FTO: variants seen among roughly 807,000 people sequenced by gnomAD.
FTO encodes alpha-ketoglutarate-dependent dioxygenase FTO.
In FTO, 47 loss-of-function variants were observed where a neutral mutation model predicts 63.9. The observed-to-expected ratio is 0.74, with a 90% CI of 0.58 to 0.94. FTO has a LOEUF of 0.94. FTO is among the 40% of genes least tolerant of loss of function. The pLI, the probability that FTO is intolerant of heterozygous loss-of-function variation, is 0.00. For missense variants in FTO, 562 were observed against 618.1 expected (o/e 0.91, Z 0.96); for synonymous variants, 207 against 224.4 (o/e 0.92, Z 0.69).
chr16:53,954,972 A>G (rs2082892847), intron 8 of FTO, among the ~76,000 whole-genome samples: 1 of 152,080 alleles, frequency 6.6e-6, no homozygotes, highest in Admixed American at 6.6e-5. Flanking sequence ...GTGGACCTCT[A>G]TTTTTAGAGC....
chr16:53,877,758 G>A (rs1239495354), intron 5 of FTO, among the ~76,000 whole-genome samples: 1 of 151,216 alleles, frequency 6.6e-6, no homozygotes, highest in East Asian at 1.9e-4. Context: ...CTCAAACTAG[G>A]CCTGATTATA....
chr16:53,839,275 A>T (rs1378250216), intron 3 of FTO, among the ~76,000 whole-genome samples: 1 of 152,158 alleles, frequency 6.6e-6, no homozygotes, highest in Non-Finnish European at 1.5e-5. Context: ...GGTACTTAAA[A>T]TCTTTTCAAT....
At chr16:53,773,671 A>G (rs1160700593) in intron 1 of FTO, among the ~76,000 whole-genome samples, 2 of 152,200 alleles carry the variant, frequency 1.3e-5, no homozygotes, top group Non-Finnish European at 2.9e-5. Flanking sequence ...CCTCTGCCTA[A>G]CAGGACTAGT....
At chr16:54,012,940 C>G (rs896209406) in intron 8 of FTO, among the ~76,000 whole-genome samples, 1 of 152,162 alleles carries the variant, frequency 6.6e-6, no homozygotes, top group African/African-American at 2.4e-5. Context: ...TTCATGCCTG[C>G]TAACACAACA....
intron 8 of FTO, among the ~76,000 whole-genome samples, chr16:53,978,556 G>T (rs185597404): frequency 1.2e-4 from 19 of 152,138 alleles, no homozygotes; most frequent in Admixed American, 5.2e-4. Context: ...TTGTTTTCTT[G>T]TTCATTTGTG....
At chr16:53,902,634 C>T (rs548026722) in intron 7 of FTO, among the ~76,000 whole-genome samples, 1 of 152,192 alleles carries the variant, frequency 6.6e-6, no homozygotes, top group African/African-American at 2.4e-5. Flanking sequence ...TCCTCCTTCT[C>T]TGGCAGCATC....
intron 1 of FTO, among the ~76,000 whole-genome samples, chr16:53,809,131 T>A (rs2078450515): frequency 6.6e-6 from 1 of 152,218 alleles, no homozygotes; most frequent in African/African-American, 2.4e-5. Flanking sequence ...CGTCTTTCAG[T>A]TACTTTGTTT....
In FTO at chr16:53,890,425, A is replaced by G. The variant is rs991651900; in HGVS notation, c.1239+1474A>G. Among the ~76,000 whole-genome samples the G allele has an allele frequency of 2.0e-5, 3 of 152,120 alleles. No homozygotes were observed. The East Asian group carries it at 5.8e-4, about 29-fold the overall frequency. ...TGTCTTATTTATTATAATTATTATTATTGTGATAAGAACACTTAACATAGG... is the reference window on the plus strand; with the variant it reads ...TGTCTTATTTATTATAATTATTATTGTTGTGATAAGAACACTTAACATAGG... On this transcript the variant is annotated intron_variant, in intron 7 of 8. Transcript: ENST00000471389.
chr16:53,765,219 T>C (rs2077170990), intron 1 of FTO, among the ~76,000 whole-genome samples: 1 of 152,118 alleles, frequency 6.6e-6, no homozygotes, highest in Non-Finnish European at 1.5e-5. Flanking sequence ...GAGTCCCTCT[T>C]CTCATGGAGA....
intron 2 of FTO, among the ~76,000 whole-genome samples, chr16:53,820,414 G>GAA (rs1040235049): frequency 3.9e-5 from 6 of 151,948 alleles, no homozygotes; most frequent in Admixed American, 3.9e-4. Context: ...CTACAAAAGA[G>GAA]AAGTAAAGCG....
rs1334642068 is a variant in FTO at position 54,118,824 on chromosome 16, C to A, written c.*6909C>A. ...CCACACAGGTAAAACCACGACTGTGCAGCTAGCAGGTGGAGATAACATTTG... is the reference window on the plus strand; with the variant it reads ...CCACACAGGTAAAACCACGACTGTGAAGCTAGCAGGTGGAGATAACATTTG... On this transcript the variant is annotated 3_prime_UTR_variant, in exon 9 of 9. Transcript: ENST00000471389. 2.0e-5 allele frequency: 3 copies of A among 152,148 alleles called. No individual in the cohort carries two copies. The highest frequency in any genetic ancestry group is 7.2e-5 in the African/African-American group (3 of 41,418). 9.4% of individuals were successfully genotyped at this position (152,148 alleles called of 1,614,324 possible).
chr16:53,816,125 T>C (rs529205832), intron 2 of FTO, among the ~76,000 whole-genome samples: 1 of 152,286 alleles, frequency 6.6e-6, no homozygotes, highest in South Asian at 2.1e-4. Flanking sequence ...CTTTTCTGTC[T>C]GGTGAGCATC....
intron 8 of FTO, among the ~76,000 whole-genome samples, chr16:54,004,447 A>G (rs1379399281): frequency 1.3e-5 from 2 of 152,138 alleles, no homozygotes; most frequent in Non-Finnish European, 2.9e-5. Context: ...TAATTTAGCA[A>G]GTAAAGTAGC....
At chr16:53,944,249 G>A (rs1281184041) in intron 8 of FTO, among the ~76,000 whole-genome samples, 1 of 152,172 alleles carries the variant, frequency 6.6e-6, no homozygotes, top group Admixed American at 6.5e-5. Context: ...TAAATACTAT[G>A]GAAGAGATTG....
At chr16:53,913,972 C>G (rs977251478) in intron 7 of FTO, among the ~76,000 whole-genome samples, 1 of 145,912 alleles carries the variant, frequency 6.9e-6, no homozygotes, top group South Asian at 2.2e-4. Flanking sequence ...GAGTGAGGCT[C>G]TGTCTCAAAA....
At chr16:53,965,834 A>G (rs980468304) in intron 8 of FTO, 2 of 152,058 alleles carry the variant, frequency 1.3e-5, no homozygotes, top group African/African-American at 4.8e-5. Context: ...TAAAATCAGA[A>G]TAATAATGCC....
At chr16:53,938,865 G>A (rs964035154) in intron 8 of FTO, among the ~76,000 whole-genome samples, 3 of 152,152 alleles carry the variant, frequency 2.0e-5, no homozygotes, top group African/African-American at 4.8e-5. Context: ...CTAGACGGGC[G>A]GATCATGAGG....
chr16:53,856,629 A>AATCCC (rs754011602), intron 4 of FTO, among the ~76,000 whole-genome samples: 7 of 125,616 alleles, frequency 5.6e-5, no homozygotes, highest in African/African-American at 1.0e-4. Context: ...GTGTGCCTGT[A>AATCCC]ATCCCAGCTA....
intron 7 of FTO, among the ~76,000 whole-genome samples, chr16:53,932,770 G>A (rs1349546418): frequency 6.6e-6 from 1 of 152,172 alleles, no homozygotes; most frequent in Non-Finnish European, 1.5e-5. Context: ...GAATGATCTG[G>A]CCTCGGAAAG....
Sources: allele counts gnomAD v4.1 joint callset (sites outside exome capture counted in the v4.1 genomes callset), GRCh38; gene constraint gnomAD v4.1.1; transcripts MANE v1.5; gene names NCBI Gene and HGNC (gene_info 2026-07-23, HGNC 2026-07-21).